Variants in LYPD6B observed in about 807,000 individuals in gnomAD.
LYPD6B encodes the protein LY6/PLAUR domain containing 6B.
A neutral mutation model predicts 22.8 loss-of-function variants in LYPD6B; 17 were observed. The ratio of observed to expected loss-of-function variants is 0.75; its 90% CI spans 0.51 to 1.12. The LOEUF is 1.12. Ranked by LOEUF, LYPD6B falls within the 50% of genes most tolerant of loss-of-function variation. The pLI, the probability that LYPD6B is intolerant of heterozygous loss-of-function variation, is 0.00. For synonymous variants in LYPD6B, 106 were observed against 91.6 expected (o/e 1.16, Z -0.90); for missense variants, 221 against 258.3 (o/e 0.86, Z 0.99).
At chr2:149,067,900 AG>A (rs1684415283) in intron 1 of LYPD6B, among the ~76,000 whole-genome samples, 1 of 152,172 alleles carries the variant, frequency 6.6e-6, no homozygotes, top group African/African-American at 2.4e-5. Context: ...AGGGTAGAAA[AG>A]CTTTTGCTTT....
chr2:149,045,472 C>T (rs189014770), intron 1 of LYPD6B, among the ~76,000 whole-genome samples: 1 of 151,848 alleles, frequency 6.6e-6, no homozygotes, highest in African/African-American at 2.4e-5. Context: ...TTAATGTACT[C>T]TTCTATTTTT....
chr2:149,143,991 G>C (rs1349479432), intron 2 of LYPD6B: 1 of 152,266 alleles, frequency 6.6e-6, no homozygotes, highest in African/African-American at 2.4e-5. Flanking sequence ...GAGATGAGAT[G>C]AGATCAGTTC....
At chr2:149,200,661 G>A (rs924237093) in intron 3 of LYPD6B, 3 of 152,158 alleles carry the variant, frequency 2.0e-5, no homozygotes, top group African/African-American at 4.8e-5. Flanking sequence ...ATGATTATCC[G>A]AGCTCAGACT....
At chr2:149,042,548 G>A (rs753734709) in intron 1 of LYPD6B, among the ~76,000 whole-genome samples, 1 of 152,188 alleles carries the variant, frequency 6.6e-6, no homozygotes, top group African/African-American at 2.4e-5. Context: ...AAGAATGTGA[G>A]GGAATGAGGT....
At chr2:149,061,966 T>C (rs1684102223) in intron 1 of LYPD6B, among the ~76,000 whole-genome samples, 1 of 151,574 alleles carries the variant, frequency 6.6e-6, no homozygotes, top group South Asian at 2.1e-4. Context: ...AGAAACATCG[T>C]AGAATCTTTT....
rs1558985877 is a variant in LYPD6B at position 149,080,865 on chromosome 2, AAACC to A, written c.-67+42066_-67+42069del. Among the ~76,000 whole-genome samples the A allele has an allele frequency of 8.5e-5, 11 of 129,282 alleles. 1 individual carries two copies. Among genetic ancestry groups the A allele is most frequent in the African/African-American group, 2.5e-4 (9 of 35,672 alleles). 84.8% of individuals were successfully genotyped at this position (129,282 alleles called of 152,430 possible). ...TCAAAAAAAAAAAAAAAAAAAAAAA[AAACC>A]ACACAAAAAAATTCAGTATATTAGG... On this transcript the variant is annotated intron_variant, in intron 1 of 6. Coordinates refer to ENST00000409642, the MANE Select transcript of LYPD6B (RefSeq NM_177964.5).
At chr2:149,122,228 G>A (rs976701953) in intron 1 of LYPD6B, among the ~76,000 whole-genome samples, 22 of 152,198 alleles carry the variant, frequency 1.4e-4, no homozygotes, top group Admixed American at 7.2e-4. Context: ...TGCCGAGATC[G>A]TGTCACAAGT....
rs573009826 is a variant in LYPD6B at position 149,177,460 on chromosome 2, C to T, written c.77+16625C>T. Among the ~76,000 whole-genome samples, 7 of 152,294 alleles carry T rather than the reference C, an allele frequency of 4.6e-5. No homozygotes were observed. In the East Asian group the frequency reaches 1.3e-3, roughly 29 times the overall value. Reference sequence around the variant, plus strand: ...TGGCTATTTCCTTCTGTCTCTTATTCCCCTTCACTTTGTTTCTTTGGCAGC... The same window carrying T: ...TGGCTATTTCCTTCTGTCTCTTATTTCCCTTCACTTTGTTTCTTTGGCAGC... On this transcript the variant is annotated intron_variant, in intron 3 of 6. Coordinates refer to ENST00000409642, the MANE Select transcript of LYPD6B (RefSeq NM_177964.5).
At chr2:149,042,979 T>C (rs1348795806) in intron 1 of LYPD6B, among the ~76,000 whole-genome samples, 3 of 152,182 alleles carry the variant, frequency 2.0e-5, no homozygotes, top group Non-Finnish European at 1.5e-5. Context: ...ATATGATTTA[T>C]AATGACTTAC....
At position 149,160,156 on chromosome 2, in the gene LYPD6B, C is replaced by CA. The variant is rs201785489; in HGVS notation, c.6-599dup. Among the ~76,000 whole-genome samples the CA allele has an allele frequency of 7.4e-4, 110 of 148,978 alleles. 1 individual carries two copies. Among genetic ancestry groups the CA allele is most frequent in the African/African-American group, 8.9e-4 (36 of 40,622 alleles). On this transcript the variant is annotated intron_variant, in intron 2 of 6. Transcript: ENST00000409642. ...GCCAGAGTGAGATCCCATCTCTTAC[C>CA]AAAAAAAAAGGTATAAATATATAAT...
intron 1 of LYPD6B, among the ~76,000 whole-genome samples, chr2:149,074,532 A>G (rs1378810416): frequency 6.6e-6 from 1 of 152,236 alleles, no homozygotes; most frequent in African/African-American, 2.4e-5. Context: ...GGGCACGCAC[A>G]AAGGCTTTTG....
intron 1 of LYPD6B, among the ~76,000 whole-genome samples, chr2:149,061,196 G>T (rs1684060919): frequency 1.5e-5 from 1 of 66,166 alleles, no homozygotes; most frequent in East Asian, 6.8e-4. Context: ...AGGCTGCAGT[G>T]CATTTTTTTT....
At chr2:149,112,481 A>T (rs192069574) in intron 1 of LYPD6B, among the ~76,000 whole-genome samples, 7 of 152,320 alleles carry the variant, frequency 4.6e-5, no homozygotes, top group Admixed American at 4.6e-4. Flanking sequence ...GAAGAAACTC[A>T]TAAAGCCTTA....
chr2:149,161,021 T>C (rs1323794083), intron 3 of LYPD6B, among the ~76,000 whole-genome samples, 186 bp downstream of exon 3: 1 of 152,204 alleles, frequency 6.6e-6, no homozygotes, highest in Non-Finnish European at 1.5e-5. Flanking sequence ...GCCTGGCTTG[T>C]GCTTAAGTTA....
At position 149,175,112 on chromosome 2, in the gene LYPD6B, A is replaced by C. The variant is rs187984309; in HGVS notation, c.77+14277A>C. ...AGTCAGGTGTCACTTAATGACAAGA[A>C]TATATTCTGATAAATGCATCATTAA... On this transcript the variant is annotated intron_variant, in intron 3 of 6. Transcript: ENST00000409642. Among the ~76,000 whole-genome samples the C allele has an allele frequency of 3.3e-5, 5 of 150,380 alleles. No individual in the cohort carries two copies. The East Asian group carries it at 9.8e-4, about 29-fold the overall frequency.
intron 5 of LYPD6B, among the ~76,000 whole-genome samples, 154 bp downstream of exon 5, chr2:149,208,566 T>C (rs1282506437): frequency 6.6e-6 from 1 of 152,202 alleles, no homozygotes; most frequent in African/African-American, 2.4e-5. Flanking sequence ...TGTCAAAGAC[T>C]CTAACTGAAG....
intron 2 of LYPD6B, among the ~76,000 whole-genome samples, chr2:149,137,440 T>G (rs1688435493): frequency 6.6e-6 from 1 of 152,222 alleles, no homozygotes. Context: ...TGAAATTATA[T>G]GTACATCTCT....
intron 2 of LYPD6B, among the ~76,000 whole-genome samples, chr2:149,141,620 A>T (rs947570550): frequency 2.6e-5 from 4 of 152,060 alleles, no homozygotes; most frequent in African/African-American, 9.7e-5. Flanking sequence ...ATTTACTATT[A>T]AAAAAATTCC....
At chr2:149,187,315 A>G (rs535540126) in intron 3 of LYPD6B, 16 of 1,084,738 alleles carry the variant, frequency 1.5e-5, no homozygotes, top group Middle Eastern at 3.0e-4. Flanking sequence ...GCACTAAATG[A>G]AGTGTATTGC....
Sources: allele counts gnomAD v4.1 joint callset (sites outside exome capture counted in the v4.1 genomes callset), GRCh38; gene constraint gnomAD v4.1.1; transcripts MANE v1.5; gene names NCBI Gene and HGNC (gene_info 2026-07-23, HGNC 2026-07-21).